The following METAP2 variants were observed in gnomAD, a reference collection of about 807,000 sequenced individuals.
The protein encoded by METAP2 is methionyl aminopeptidase 2, also known as methionine aminopeptidase 2.
A neutral mutation model predicts 59.4 loss-of-function variants in METAP2; 25 were observed. The ratio of observed to expected loss-of-function variants is 0.42; its 90% CI spans 0.31 to 0.59. The LOEUF is 0.59. METAP2 is among the 20% of genes least tolerant of loss of function. METAP2 has a pLI of 0.16. For missense variants in METAP2, 366 were observed against 581.2 expected (o/e 0.63, Z 3.81); for synonymous variants, 214 against 194.1 (o/e 1.10, Z -0.85).
chr12:95,482,894 A>G lies in METAP2; in HGVS notation c.260-321A>G, dbSNP rs552745386. 2.0e-5 allele frequency among the ~76,000 whole-genome samples: 3 copies of G among 152,302 alleles called. No individual in the cohort carries two copies. In the South Asian group the frequency reaches 6.2e-4, roughly 32 times the overall value. ...TAAGTCCTAGATCACGTTACCTCCC[A>G]CTTTGCTAAACTGCTGCTTCCTGTT... is the stretch of plus-strand genomic sequence containing the variant. On this transcript the variant is annotated intron_variant, in intron 2 of 10. Transcript: ENST00000323666.
At chr12:95,490,539 T>G (rs1387838059) in intron 4 of METAP2, among the ~76,000 whole-genome samples, 1 of 149,704 alleles carries the variant, frequency 6.7e-6, no homozygotes, top group East Asian at 1.9e-4. Context: ...TTGTGAACAC[T>G]CTTCTCACAC....
At chr12:95,485,848 C>T in intron 3 of METAP2, 31 bp from the exon 4 acceptor site, 1 of 1,361,818 alleles carries the variant, frequency 7.3e-7, no homozygotes, top group Non-Finnish European at 1.0e-6. Context: ...TTTTTAACTA[C>T]AGAAGTTAAT....
chr12:95,490,272 GT>G (rs530529363), intron 4 of METAP2, among the ~76,000 whole-genome samples: 148 of 127,336 alleles, frequency 1.2e-3, no homozygotes, highest in African/African-American at 2.1e-3. Flanking sequence ...CGGCATAGTA[GT>G]TTTTTTTTTT....
At chr12:95,481,534 A>G (rs1224592452) in intron 2 of METAP2, among the ~76,000 whole-genome samples, 1 of 152,244 alleles carries the variant, frequency 6.6e-6, no homozygotes, top group East Asian at 1.9e-4. Flanking sequence ...ACATATATAG[A>G]TTAATACTCA....
chr12:95,506,118 C>T (rs1017594210), intron 8 of METAP2, among the ~76,000 whole-genome samples: 24 of 151,716 alleles, frequency 1.6e-4, no homozygotes, highest in Admixed American at 1.5e-3. Context: ...AAAAAAGAGT[C>T]TTCCTCTGTT....
intron 3 of METAP2, chr12:95,484,694 T>A: frequency 2.8e-6 from 1 of 354,342 alleles, no homozygotes; most frequent in Non-Finnish European, 5.4e-6. Flanking sequence ...GTTCATTATA[T>A]TTCTTTATGA....
chr12:95,503,981 C>A, intron 7 of METAP2, 84 bp from the exon 8 acceptor site: 1 of 953,198 alleles, frequency 1.0e-6, no homozygotes, highest in Non-Finnish European at 1.6e-6. Flanking sequence ...TTCTGATTGT[C>A]CCTTGTTTTT....
intron 1 of METAP2, among the ~76,000 whole-genome samples, chr12:95,474,557 C>T (rs1475089104): frequency 2.0e-5 from 3 of 152,154 alleles, no homozygotes; most frequent in Non-Finnish European, 4.4e-5. Flanking sequence ...CTGAGGTTGG[C>T]GTGTGGTACC....
intron 8 of METAP2, among the ~76,000 whole-genome samples, chr12:95,511,305 A>T (rs994061182): frequency 3.3e-4 from 50 of 151,510 alleles, no homozygotes; most frequent in Admixed American, 3.0e-3. Context: ...TTTGTTGTTA[A>T]CAGTACCTCC....
intron 2 of METAP2, among the ~76,000 whole-genome samples, chr12:95,481,949 C>G (rs1324700297): frequency 6.6e-6 from 1 of 152,208 alleles, no homozygotes; most frequent in Non-Finnish European, 1.5e-5. Context: ...TCCCTATTGC[C>G]TGGCACTTAA....
At chr12:95,508,813 A>T (rs887503978) in intron 8 of METAP2, among the ~76,000 whole-genome samples, 1 of 152,144 alleles carries the variant, frequency 6.6e-6, no homozygotes, top group Non-Finnish European at 1.5e-5. Context: ...TACCTCTTCC[A>T]TTAAGCTAGT....
intron 4 of METAP2, among the ~76,000 whole-genome samples, chr12:95,487,412 A>G (rs1204986377): frequency 6.6e-6 from 1 of 152,130 alleles, no homozygotes; most frequent in Non-Finnish European, 1.5e-5. Flanking sequence ...CTTAGGGAAT[A>G]AGTGTAAAGT....
intron 2 of METAP2, among the ~76,000 whole-genome samples, chr12:95,479,500 G>A (rs992156631): frequency 3.9e-5 from 6 of 152,118 alleles, no homozygotes; most frequent in Non-Finnish European, 7.4e-5. Context: ...CTGTGGTATT[G>A]GTATAAAAAG....
intron 7 of METAP2, among the ~76,000 whole-genome samples, chr12:95,496,821 C>CTTTTTTTTTTTTTTTTTTTT (rs777002045): frequency 9.9e-6 from 1 of 100,936 alleles, no homozygotes; most frequent in Non-Finnish European, 1.9e-5. Flanking sequence ...CTTTTTCTTT[C>CTTTTTTTTTTTTTTTTTTTT]TTTTTTTTTT....
intron 7 of METAP2, among the ~76,000 whole-genome samples, chr12:95,496,497 T>C (rs2076276307): frequency 6.7e-6 from 1 of 150,122 alleles, no homozygotes. Flanking sequence ...CCCCACCACA[T>C]AGGTATATTT....
intron 9 of METAP2, among the ~76,000 whole-genome samples, chr12:95,512,459 G>T (rs984962745): frequency 1.3e-5 from 2 of 152,202 alleles, no homozygotes; most frequent in African/African-American, 4.8e-5. Context: ...GTTAATCCCA[G>T]CACTTTGAGA....
chr12:95,477,328 T>C (rs1767648513), intron 2 of METAP2, among the ~76,000 whole-genome samples: 2 of 152,116 alleles, frequency 1.3e-5, no homozygotes, highest in Non-Finnish European at 2.9e-5. Flanking sequence ...TGACCTCAAG[T>C]AATCTGCCCA....
Position 95,512,797 on chromosome 12 carries a change from T to A in METAP2, c.1069-4T>A. On this transcript the variant is annotated splice_polypyrimidine_tract_variant and splice_region_variant and intron_variant, in intron 9 of 10. Coordinates refer to ENST00000323666, the MANE Select transcript of METAP2 (RefSeq NM_006838.4). ...TCTCCCCTTGACCCTTATTTATTTTTCAGGAAGGAGAAGTATATGCAATTG... is the reference window on the plus strand; with the variant it reads ...TCTCCCCTTGACCCTTATTTATTTTACAGGAAGGAGAAGTATATGCAATTG... 1 of 1,536,946 alleles carries A rather than the reference T, an allele frequency of 6.5e-7. No homozygotes were observed. The highest frequency in any genetic ancestry group is 9.0e-7 in the Non-Finnish European group (1 of 1,112,878).
intron 4 of METAP2, among the ~76,000 whole-genome samples, chr12:95,486,938 T>C (rs1440514475): frequency 2.0e-5 from 3 of 152,216 alleles, no homozygotes; most frequent in Non-Finnish European, 2.9e-5. Context: ...TATGAAGACA[T>C]ATTGAGAGCA....
Sources: gnomAD v4.1 joint callset for allele counts (sites outside exome capture counted in the v4.1 genomes callset) on GRCh38, gnomAD v4.1.1 for gene constraint, MANE v1.5 for transcripts, NCBI Gene and HGNC (gene_info 2026-07-23, HGNC 2026-07-21) for gene names.